Variants in FSIP2 observed in about 807,000 individuals in gnomAD.
The protein encoded by FSIP2 is fibrous sheath interacting protein 2.
FSIP2 carries 367 observed loss-of-function variants against 510.5 expected under a neutral mutation model. The ratio of observed to expected loss-of-function variants is 0.72; its 90% CI spans 0.66 to 0.78. The LOEUF (loss-of-function observed/expected upper bound fraction) is 0.78, where lower values mean the gene tolerates loss of function less well. FSIP2 is among the 30% of genes least tolerant of loss of function. The probability of loss-of-function intolerance (pLI) is 0.00; values close to 1 mark genes in which losing one functional copy is unlikely to be tolerated. For synonymous variants in FSIP2, 2,601 were observed against 2,732.2 expected, an observed-to-expected ratio of 0.95 and a Z score of 1.50; for missense variants, 7,594 against 7,901.7, an observed-to-expected ratio of 0.96 and a Z score of 1.48.
At chr2:185,738,546 A>G (rs1298039047), upstream of FSIP2, 1 of 1,459,602 alleles carries the variant, frequency 6.9e-7, no homozygotes, top group Non-Finnish European at 9.2e-7. Context: ...CTTGGAAGCC[A>G]GGGGAAATTA....
chr2:185,802,171 GTGATAGA>G lies in FSIP2; in HGVS notation c.12866_12872del (p.Val4289GlyfsTer11). Reference sequence around the variant, plus strand: ...TATTGTTACACAGGTTCTGAGTGAAGTGATAGAGTCACACAGACCTCAGAAGCAATCA... The same window carrying G: ...TATTGTTACACAGGTTCTGAGTGAAGGTCACACAGACCTCAGAAGCAATCA... On this transcript the variant is annotated frameshift_variant, in exon 17 of 23. Coordinates refer to ENST00000424728, the MANE Select transcript of FSIP2 (RefSeq NM_173651.4). LOFTEE classifies it high-confidence loss of function. 1 of 1,533,268 alleles carries G rather than the reference GTGATAGA, an allele frequency of 6.5e-7. No homozygotes were observed. Among genetic ancestry groups the G allele is most frequent in the Non-Finnish European group, 8.7e-7 (1 of 1,145,084 alleles). The allele number at this position is 1,533,268 out of a possible 1,614,324, so 95.0% of individuals were successfully genotyped here.
chr2:185,753,615 C>T (rs1026018147), intron 7 of FSIP2, 107 bp from the exon 8 acceptor site: 1 of 566,274 alleles, frequency 1.8e-6, no homozygotes, highest in African/African-American at 1.9e-5. Context: ...CAAATCAAGA[C>T]AGGACTGATT....
Position 185,813,629 on chromosome 2 carries a change from G to T in FSIP2, c.19912G>T (p.Asp6638Tyr). 6.3e-7 allele frequency: 1 copy of T among 1,592,980 alleles called. No homozygotes were observed. Among genetic ancestry groups the T allele is most frequent in the Non-Finnish European group, 8.6e-7 (1 of 1,168,894 alleles). ...ELLKDVQSKNDLIVRLVAHDI... is the reference protein window; with the variant it reads ...ELLKDVQSKNYLIVRLVAHDI... ...CTTAAAAGATGTTCAAAGTAAAAATGATCTTATTGTTCGATTAGTAGCTCA... is the reference window on the plus strand; with the variant it reads ...CTTAAAAGATGTTCAAAGTAAAAATTATCTTATTGTTCGATTAGTAGCTCA... Residue 6638 changes from aspartate (D) to tyrosine (Y), a missense_variant, in exon 18 of 23, where the codon GAT (aspartate) becomes TAT (tyrosine). Transcript: ENST00000424728.
At chr2:185,768,706 T>C (rs1692546656) in intron 13 of FSIP2, among the ~76,000 whole-genome samples, 1 of 152,154 alleles carries the variant, frequency 6.6e-6, no homozygotes, top group Non-Finnish European at 1.5e-5. Context: ...GAGGGTTTGT[T>C]GTACAGATTA....
Position 185,801,028 on chromosome 2 carries a change from G to T in FSIP2, c.11722G>T (p.Asp3908Tyr), listed in dbSNP as rs1048479194. The T allele has an allele frequency of 6.5e-7, 1 of 1,531,952 alleles. No homozygotes were observed. Among genetic ancestry groups the T allele is most frequent in the South Asian group, 1.2e-5 (1 of 83,776 alleles). The allele number at this position is 1,531,952 out of a possible 1,614,324, so 94.9% of individuals were successfully genotyped here. ...AAGTTCTTTAGAACTCAGGAGCTATGATAGTAATTCTTTGACAGTATCCCT... is the reference window on the plus strand; with the variant it reads ...AAGTTCTTTAGAACTCAGGAGCTATTATAGTAATTCTTTGACAGTATCCCT... ...SKSSLELRSY[D>Y]SNSLTVSLNN... Residue 3908 changes from aspartate to tyrosine, a missense_variant, in exon 17 of 23, where the codon GAT becomes TAT. Physicochemically the swap from Asp to Tyr is radical, Grantham distance 160. Coordinates refer to ENST00000424728, the MANE Select transcript of FSIP2 (RefSeq NM_173651.4).
intron 18 of FSIP2, among the ~76,000 whole-genome samples, chr2:185,814,707 TCA>T (rs1693799051): frequency 6.6e-6 from 1 of 152,020 alleles, no homozygotes; most frequent in Non-Finnish European, 1.5e-5. Flanking sequence ...GAAAAAAGTT[TCA>T]GAGATTAGTC....
chr2:185,745,087 C>T (rs562518862), intron 4 of FSIP2: 1 of 159,176 alleles, frequency 6.3e-6, no homozygotes, highest in Non-Finnish European at 1.4e-5. Context: ...TATGTCCTAA[C>T]AATAAAAGGG....
At position 185,808,498 on chromosome 2, in the gene FSIP2, A is replaced by G. The variant is rs1243053470; in HGVS notation, c.19192A>G (p.Ile6398Val). The change falls in exon 17 of 23, where the codon ATT (isoleucine) becomes GTT (valine). Residue 6398 changes from isoleucine (I) to valine (V), a missense_variant. Ile to Val is a conservative substitution (Grantham distance 29). Coordinates refer to ENST00000424728, the MANE Select transcript of FSIP2 (RefSeq NM_173651.4). The part of the protein sequence containing the change: ...LVTAEISRSS[I>V]SLIASDPEEH... ...AACAGCTGAAATTTCCAGAAGTAGC[A>G]TTAGTCTAATAGCTTCTGATCCTGA... is the stretch of plus-strand genomic sequence containing the variant. The G allele has an allele frequency of 1.2e-6, 2 of 1,609,608 alleles. No individual in the cohort carries two copies. Among genetic ancestry groups the G allele is most frequent in the Non-Finnish European group, 1.7e-6 (2 of 1,178,370 alleles).
In FSIP2 at chr2:185,790,490, C is replaced by T; in HGVS notation, c.3354C>T (p.Leu1118=). ...TCACAAGTATTTTAAAGGAAATGCTCAAGGACATATCTTCCGTTCCTTTTG... is the reference window on the plus strand; with the variant it reads ...TCACAAGTATTTTAAAGGAAATGCTTAAGGACATATCTTCCGTTCCTTTTG... ...NIVTSILKEM[L]KDISSVPFGH... Residue 1118 remains leucine (L), a synonymous_variant, in exon 16 of 23, where the codon CTC becomes CTT. Transcript: ENST00000424728. 6.5e-7 allele frequency: 1 copy of T among 1,534,162 alleles called. No individual in the cohort carries two copies. The highest frequency in any genetic ancestry group is 8.7e-7 in the Non-Finnish European group (1 of 1,145,594).
At chr2:185,754,161 G>T (rs926538777) in intron 8 of FSIP2, among the ~76,000 whole-genome samples, 1 of 150,688 alleles carries the variant, frequency 6.6e-6, no homozygotes, top group East Asian at 2.0e-4. Flanking sequence ...TACCAACATG[G>T]TGTTCTATTA....
Position 185,804,036 on chromosome 2 carries a change from AT to A in FSIP2, c.14735del (p.Leu4912TyrfsTer18). On this transcript the variant is annotated frameshift_variant, in exon 17 of 23. Coordinates refer to ENST00000424728, the MANE Select transcript of FSIP2 (RefSeq NM_173651.4). LOFTEE classifies it high-confidence loss of function. ...AAATCTTTAACCATCATATTCAATC[AT>A]TTTTATCTGAAGATAAAACTCTCCT... Reference protein sequence around the residue: ...KEIFNHHIQSFLSEDKTLLLA... With the variant: ...KEIFNHHIQSXLSEDKTLLLA... 1 of 1,508,214 alleles carries A rather than the reference AT, an allele frequency of 6.6e-7. No homozygotes were observed. The highest frequency in any genetic ancestry group is 2.1e-5 in the Admixed American group (1 of 46,540). 93.4% of individuals were successfully genotyped at this position (1,508,214 alleles called of 1,614,324 possible).
chr2:185,813,601 G>A lies in FSIP2; in HGVS notation c.19884G>A (p.Glu6628=), dbSNP rs1693777099. The change falls in exon 18 of 23, where the codon GAG becomes GAA. Residue 6628 remains glutamate (E), a synonymous_variant. Coordinates refer to ENST00000424728, the MANE Select transcript of FSIP2 (RefSeq NM_173651.4). The part of the protein sequence containing the change: ...NIRKPDITKV[E]LLKDVQSKND... ...GAAAGCCTGATATTACAAAGGTGGA[G>A]CTCTTAAAAGATGTTCAAAGTAAAA... The A allele has an allele frequency of 1.3e-6, 2 of 1,572,982 alleles. No individual in the cohort carries two copies. Among genetic ancestry groups the A allele is most frequent in the East Asian group, 2.2e-5 (1 of 44,500 alleles).
chr2:185,767,354 AG>A (rs1692510326), intron 13 of FSIP2, among the ~76,000 whole-genome samples: 1 of 152,096 alleles, frequency 6.6e-6, no homozygotes. Flanking sequence ...AATAAAAAAA[AG>A]AGCTACTCTT....
rs1298213740 is a variant in FSIP2 at position 185,799,902 on chromosome 2, A to G, written c.10596A>G (p.Glu3532=). 6.5e-7 allele frequency: 1 copy of G among 1,533,722 alleles called. No individual in the cohort carries two copies. The highest frequency in any genetic ancestry group is 8.7e-7 in the Non-Finnish European group (1 of 1,145,494). Residue 3532 remains glutamate, a synonymous_variant, in exon 17 of 23, where the codon GAA becomes GAG. Coordinates refer to ENST00000424728, the MANE Select transcript of FSIP2 (RefSeq NM_173651.4). Reference sequence around the variant, plus strand: ...AAGAGAAAGCATGGGAAATTCAAGAAGCAACATTTAGCAAGATTATTTCAA... The same window carrying G: ...AAGAGAAAGCATGGGAAATTCAAGAGGCAACATTTAGCAAGATTATTTCAA... ...REKEKAWEIQ[E]ATFSKIISIH...
intron 11 of FSIP2, 83 bp downstream of exon 11, chr2:185,762,100 C>A (rs1692364238): frequency 1.5e-6 from 1 of 663,534 alleles, no homozygotes; most frequent in Non-Finnish European, 2.5e-6. Context: ...GTTGTTTTAT[C>A]TGATTATAAA....
chr2:185,739,010 T>A lies in FSIP2; in HGVS notation c.99+17T>A. 4 of 1,528,650 alleles carry A rather than the reference T, an allele frequency of 2.6e-6. No homozygotes were observed. The highest frequency in any genetic ancestry group is 3.5e-6 in the Non-Finnish European group (4 of 1,144,196). The allele number at this position is 1,528,650 out of a possible 1,614,324, so 94.7% of individuals were successfully genotyped here. A position where few individuals can be genotyped will look rare whatever the true frequency, so the allele number is the denominator to read the frequency against. On this transcript the variant is annotated intron_variant, in intron 1 of 22. Transcript: ENST00000424728. ...TGCAGAGACGTGAGTGGCCGCAAGC[T>A]GGGCGGCGTCGCCCTCTGGCGGCCG...
rs753679773 is a variant in FSIP2, at chr2:185,806,084, C to A, written c.16778C>A (p.Thr5593Lys). The A allele has an allele frequency of 8.0e-5, 125 of 1,572,312 alleles. No homozygotes were observed. Among genetic ancestry groups the A allele is most frequent in the Non-Finnish European group, 9.8e-5 (114 of 1,161,324 alleles). ...CATTTTTCATTAATAATTGATGATA[C>A]AGAATATGAGAAGGAAGTACTTGGA... ...YTHFSLIIDD[T>K]EYEKEVLGSD... Residue 5593 changes from threonine (T) to lysine (K), a missense_variant, in exon 17 of 23, where the codon ACA becomes AAA. Coordinates refer to ENST00000424728, the MANE Select transcript of FSIP2 (RefSeq NM_173651.4).
intron 19 of FSIP2, among the ~76,000 whole-genome samples, chr2:185,822,264 A>G (rs1258819479): frequency 6.6e-6 from 1 of 151,942 alleles, no homozygotes; most frequent in African/African-American, 2.4e-5. Flanking sequence ...TTCTAATTGG[A>G]TGAGTAGAAA....
intron 9 of FSIP2, among the ~76,000 whole-genome samples, chr2:185,757,308 T>C (rs1490301501): frequency 6.6e-6 from 1 of 151,470 alleles, no homozygotes; most frequent in Non-Finnish European, 1.5e-5. Context: ...GTTTTTAGCC[T>C]CACTGCAATA....
Sources: gnomAD v4.1 joint callset for allele counts (sites outside exome capture counted in the v4.1 genomes callset) on GRCh38, gnomAD v4.1.1 for gene constraint, MANE v1.5 for transcripts, NCBI Gene and HGNC (gene_info 2026-07-23, HGNC 2026-07-21) for gene names.